GSDME: variants seen among roughly 807,000 people sequenced by gnomAD.
GSDME encodes gasdermin E.
GSDME carries 44 observed loss-of-function variants against 47.5 expected under a neutral mutation model. The ratio of observed to expected loss-of-function variants is 0.93; its 90% CI spans 0.73 to 1.19. GSDME has a LOEUF of 1.19. GSDME is among the 50% of genes most tolerant of loss of function. The pLI is 0.00. For missense variants in GSDME, 663 were observed against 604.2 expected (o/e 1.10, Z -1.02); for synonymous variants, 258 against 252.8 (o/e 1.02, Z -0.20).
chr7:24,735,231 T>G lies in GSDME; in HGVS notation c.404+9331A>C, dbSNP rs80049990. ...TCAAACATGAAGGAGAAACATAGAC[T>G]TTCTCAAAGAAAAGCTGAAGGACTT... On this transcript the variant is annotated intron_variant, in intron 3 of 9. Transcript: ENST00000645220. This position sits in a 1 kb window ranked among gnomAD's most constrained non-coding sequence, Gnocchi z 4.4. Among the ~76,000 whole-genome samples, 1,614 of 152,270 alleles carry G rather than the reference T, an allele frequency of 0.011. 27 individuals carry two copies. The highest frequency in any genetic ancestry group is 0.037 in the African/African-American group (1,520 of 41,548).
the GSDME span, among the ~76,000 whole-genome samples, chr7:24,766,919 A>C: frequency 1.3e-5 from 2 of 152,234 alleles, no homozygotes; most frequent in Non-Finnish European, 2.9e-5. The surrounding 1 kb of genome is among the most constrained non-coding windows in gnomAD (Gnocchi z 4.2). Context: ...CACTCCCACC[A>C]ACAGTGTAAA....
chr7:24,742,910 T>C lies in GSDME; in HGVS notation c.404+1652A>G, dbSNP rs1213783233. ...ATGGGACTCTAGCAAAGATAAGCTGTAGAGAAAGGAAAATAAAGATCATGA... is the reference window on the plus strand; with the variant it reads ...ATGGGACTCTAGCAAAGATAAGCTGCAGAGAAAGGAAAATAAAGATCATGA... On this transcript the variant is annotated intron_variant, in intron 3 of 9. Transcript: ENST00000645220. This position sits in a 1 kb window ranked among gnomAD's most constrained non-coding sequence, Gnocchi z 4.4. Among the ~76,000 whole-genome samples the C allele has an allele frequency of 6.6e-6, 1 of 152,186 alleles. No individual in the cohort carries two copies. The highest frequency in any genetic ancestry group is 1.5e-5 in the Non-Finnish European group (1 of 68,034).
intron 3 of GSDME, among the ~76,000 whole-genome samples, chr7:24,737,637 A>T (rs1220050119): frequency 1.3e-5 from 2 of 152,076 alleles, no homozygotes; most frequent in African/African-American, 4.8e-5. Context: ...GAATACTTTC[A>T]AACTCATTTT....
rs1789772445 is a variant in GSDME, at chr7:24,721,221, T to C, written c.405-2003A>G. Among the ~76,000 whole-genome samples the C allele has an allele frequency of 1.3e-5, 2 of 152,226 alleles. No homozygotes were observed. The highest frequency in any genetic ancestry group is 1.3e-4 in the Admixed American group (2 of 15,284). Reference sequence around the variant, plus strand: ...CACTGAATTTTACACTTAAAAATGGTTACAACAGTAAATGTTGTGTCTCAT... The same window carrying C: ...CACTGAATTTTACACTTAAAAATGGCTACAACAGTAAATGTTGTGTCTCAT... On this transcript the variant is annotated intron_variant, in intron 3 of 9. Coordinates refer to ENST00000645220, the MANE Select transcript of GSDME (RefSeq NM_001127453.2). This position sits in a 1 kb window ranked among gnomAD's most constrained non-coding sequence, Gnocchi z 4.1.
intron 3 of GSDME, among the ~76,000 whole-genome samples, chr7:24,723,624 G>A (rs184385828): frequency 3.1e-4 from 47 of 152,242 alleles, no homozygotes; most frequent in African/African-American, 1.1e-3. Context: ...AAAAAAAAGA[G>A]CCTAGAGAGG....
intron 7 of GSDME, chr7:24,707,808 C>G: frequency 1.9e-6 from 1 of 530,756 alleles, no homozygotes; most frequent in Non-Finnish European, 3.3e-6. Flanking sequence ...GCAGAATTCT[C>G]TCCTAGATCC....
At chr7:24,710,504 A>G in intron 5 of GSDME, 116 bp from the exon 6 acceptor site, 1 of 964,768 alleles carries the variant, frequency 1.0e-6, no homozygotes, top group Non-Finnish European at 1.6e-6. Flanking sequence ...TCAGTGGAGC[A>G]GAAGACCCAT....
chr7:24,764,224 A>G, the GSDME span, among the ~76,000 whole-genome samples: 1 of 152,238 alleles, frequency 6.6e-6, no homozygotes, highest in African/African-American at 2.4e-5. This position sits in a 1 kb window ranked among gnomAD's most constrained non-coding sequence, Gnocchi z 4.4. Context: ...ACCTGACTCA[A>G]TCTTGACTGA....
Position 24,710,408 on chromosome 7 carries a change from G to A in GSDME, c.698-20C>T, listed in dbSNP as rs375434243. 111 of 1,613,904 alleles carry A rather than the reference G, an allele frequency of 6.9e-5. No homozygotes were observed. The highest frequency in any genetic ancestry group is 8.6e-5 in the Non-Finnish European group (102 of 1,179,906). On this transcript the variant is annotated intron_variant, in intron 5 of 9. Transcript: ENST00000645220. ...AGAACTCTGTAGTGCAGGAGAAAAGGACAAGTTAGGTAAAGTTGAGTCTAA... is the reference window on the plus strand; with the variant it reads ...AGAACTCTGTAGTGCAGGAGAAAAGAACAAGTTAGGTAAAGTTGAGTCTAA...
Position 24,749,611 on chromosome 7 carries a change from G to A in GSDME, c.164C>T (p.Ser55Phe). The change falls in exon 2 of 10, where the codon TCC becomes TTC. Residue 55 changes from serine (S) to phenylalanine (F), a missense_variant. Coordinates refer to ENST00000645220, the MANE Select transcript of GSDME (RefSeq NM_001127453.2). ...TATGAGTACATCGCCAAGGGTGAGG[G>A]ATAAAAACTGGTACTTGGGTCTCTG... The part of the protein sequence containing the change: ...CWQRPKYQFL[S>F]LTLGDVLIED... The A allele has an allele frequency of 6.2e-7, 1 of 1,614,038 alleles. No individual in the cohort carries two copies. The highest frequency in any genetic ancestry group is 8.5e-7 in the Non-Finnish European group (1 of 1,180,022).
the GSDME span, among the ~76,000 whole-genome samples, chr7:24,789,118 A>G: frequency 3.3e-5 from 5 of 152,240 alleles, no homozygotes; most frequent in Non-Finnish European, 7.3e-5. Flanking sequence ...TAATATATCA[A>G]AGGAAGCAAA....
At chr7:24,746,443 G>A (rs1226226893) in intron 2 of GSDME, among the ~76,000 whole-genome samples, 4 of 150,812 alleles carry the variant, frequency 2.7e-5, no homozygotes, top group African/African-American at 4.9e-5. Context: ...GTTCTGCTGC[G>A]GGTTTATATA....
In GSDME at chr7:24,742,667, GA is replaced by G. The variant is rs750805230; in HGVS notation, c.404+1894del. On this transcript the variant is annotated intron_variant, in intron 3 of 9. Coordinates refer to ENST00000645220, the MANE Select transcript of GSDME (RefSeq NM_001127453.2). The surrounding 1 kb of genome is among the most constrained non-coding windows in gnomAD (Gnocchi z 4.4). ...TTGCCAAACTGTGCTTCTTGAAATA[GA>G]AATAACGAGACTGCAAAGCGCATCT... is the stretch of plus-strand genomic sequence containing the variant. Among the ~76,000 whole-genome samples, 3 of 152,190 alleles carry G rather than the reference GA, an allele frequency of 2.0e-5. No homozygotes were observed. Among genetic ancestry groups the G allele is most frequent in the Admixed American group, 6.5e-5 (1 of 15,280 alleles).
chr7:24,743,287 G>A (rs964572066), intron 3 of GSDME, among the ~76,000 whole-genome samples: 1 of 152,134 alleles, frequency 6.6e-6, no homozygotes, highest in Non-Finnish European at 1.5e-5. Context: ...TCTTTAAAAT[G>A]TTGCAAAAGA....
chr7:24,706,320 C>A lies in GSDME; in HGVS notation c.1047G>T (p.Lys349Asn). 6.2e-7 allele frequency: 1 copy of A among 1,613,620 alleles called. No individual in the cohort carries two copies. Among genetic ancestry groups the A allele is most frequent in the Non-Finnish European group, 8.5e-7 (1 of 1,179,934 alleles). The change falls in exon 8 of 10, where the codon AAG (lysine) becomes AAT (asparagine). Residue 349 changes from lysine (K) to asparagine (N), a missense_variant. Physicochemically the swap from Lys to Asn is moderately conservative, Grantham distance 94. Coordinates refer to ENST00000645220, the MANE Select transcript of GSDME (RefSeq NM_001127453.2). Reference protein sequence around the residue: ...SPTVAVLGELKPRQQQDLVAF... With the variant: ...SPTVAVLGELNPRQQQDLVAF... ...CCACAAGGTCCTGCTGCTGCCGGGG[C>A]TTCAGCTCCCCCAGCACCGCCACTG...
chr7:24,771,285 A>G, the GSDME span, among the ~76,000 whole-genome samples: 1 of 152,248 alleles, frequency 6.6e-6, no homozygotes, highest in Admixed American at 6.5e-5. This position sits in a 1 kb window ranked among gnomAD's most constrained non-coding sequence, Gnocchi z 4.1. Context: ...GAGACCTTTC[A>G]GTCAGATTAT....
chr7:24,705,214 C>T lies in GSDME; in HGVS notation c.1183+970G>A, dbSNP rs371479369. 6.6e-5 allele frequency: 10 copies of T among 152,122 alleles called. No homozygotes were observed. The highest frequency in any genetic ancestry group is 3.9e-4 in the East Asian group (2 of 5,184). 9.4% of individuals were successfully genotyped at this position (152,122 alleles called of 1,614,324 possible). A position where few individuals can be genotyped will look rare whatever the true frequency, so the allele number is the denominator to read the frequency against. Reference sequence around the variant, plus strand: ...GCCTGTTCTGAAAGACTCTAATACCCGGATGTTAACATTGGGAGAAAGTCT... The same window carrying T: ...GCCTGTTCTGAAAGACTCTAATACCTGGATGTTAACATTGGGAGAAAGTCT... On this transcript the variant is annotated intron_variant, in intron 8 of 9. Transcript: ENST00000645220. This position sits in a 1 kb window ranked among gnomAD's most constrained non-coding sequence, Gnocchi z 4.1.
chr7:24,706,157 ATTTCTTTCAT>A lies in GSDME; in HGVS notation c.1183+17_1183+26del, dbSNP rs777154362. On this transcript the variant is annotated intron_variant, in intron 8 of 9. Coordinates refer to ENST00000645220, the MANE Select transcript of GSDME (RefSeq NM_001127453.2). Reference sequence around the variant, plus strand: ...AAAGCATTTTAAAGCAGCAGCAGCCATTTCTTTCATTTTCTTTTCTCCTTACCTGCGAGGG... The same window carrying A: ...AAAGCATTTTAAAGCAGCAGCAGCCATTTCTTTTCTCCTTACCTGCGAGGG... The A allele has an allele frequency of 6.2e-7, 1 of 1,613,330 alleles. No homozygotes were observed.
chr7:24,724,614 C>T lies in GSDME; in HGVS notation c.405-5396G>A, dbSNP rs2128055826. ...TGCATACTCAGTCGAGAAGAACTCC[C>T]TCTCCTCACTCAGGGGCTTGGCTCA... On this transcript the variant is annotated intron_variant, in intron 3 of 9. Transcript: ENST00000645220. The surrounding 1 kb of genome is among the most constrained non-coding windows in gnomAD (Gnocchi z 4.8). 1 of 152,500 alleles carries T rather than the reference C, an allele frequency of 6.6e-6. No homozygotes were observed. Among genetic ancestry groups the T allele is most frequent in the East Asian group, 1.9e-4 (1 of 5,190 alleles). The allele number at this position is 152,500 out of a possible 1,614,324, so 9.4% of individuals were successfully genotyped here. A position where few individuals can be genotyped will look rare whatever the true frequency, so the allele number is the denominator to read the frequency against.
Sources: gnomAD v4.1 joint callset for allele counts (sites outside exome capture counted in the v4.1 genomes callset) on GRCh38, gnomAD v4.1.1 for gene constraint, Gnocchi (gnomAD v3.1) non-coding constraint, MANE v1.5 for transcripts, NCBI Gene and HGNC (gene_info 2026-07-23, HGNC 2026-07-21) for gene names.